SOX5: variants seen among roughly 807,000 people sequenced by gnomAD.
SOX5 encodes transcription factor SOX-5.
In SOX5, 9 loss-of-function variants were observed where a neutral mutation model predicts 92.0. That is an observed-to-expected ratio of 0.10 (90% CI 0.06 to 0.17). The LOEUF (loss-of-function observed/expected upper bound fraction) is 0.17, where lower values mean the gene tolerates loss of function less well. Ranked by LOEUF, SOX5 falls within the 10% of genes least tolerant of loss-of-function variation. The pLI, the probability that SOX5 is intolerant of heterozygous loss-of-function variation, is 1.00. For synonymous variants in SOX5, 344 were observed against 336.3 expected (o/e 1.02, Z -0.25); for missense variants, 642 against 944.5 (o/e 0.68, Z 4.20).
chr12:23,951,735 A>G (rs1454769053), upstream of SOX5, among the ~76,000 whole-genome samples: 2 of 152,180 alleles, frequency 1.3e-5, no homozygotes, highest in African/African-American at 4.8e-5. Context: ...AAAACATAGA[A>G]CTATGACCCA....
chr12:23,846,247 A>T lies in SOX5; in HGVS notation c.271-54T>A, dbSNP rs2096573828. 4 of 1,320,286 alleles carry T rather than the reference A, an allele frequency of 3.0e-6. No individual in the cohort carries two copies. In the African/African-American group the frequency reaches 5.8e-5, roughly 19 times the overall value. The allele number at this position is 1,320,286 out of a possible 1,614,324, so 81.8% of individuals were successfully genotyped here. A position where few individuals can be genotyped will look rare whatever the true frequency, so the allele number is the denominator to read the frequency against. On this transcript the variant is annotated intron_variant, in intron 2 of 14. Transcript: ENST00000451604. ...TTGTTTACCTGAAAGAGAGAGCAAA[A>T]GGACAAATAATTGTTTACCTGAAAG...
chr12:23,887,209 T>G (rs1568640732), intron 2 of SOX5, among the ~76,000 whole-genome samples: 1 of 152,014 alleles, frequency 6.6e-6, no homozygotes, highest in African/African-American at 2.4e-5. Flanking sequence ...AGGCAACATA[T>G]AAGAGGAAGG....
intron 9 of SOX5, among the ~76,000 whole-genome samples, chr12:23,585,312 T>C (rs771359288): frequency 1.3e-5 from 2 of 152,158 alleles, no homozygotes; most frequent in African/African-American, 2.4e-5. Flanking sequence ...AGTTGAAAGT[T>C]TGATGTCCCT....
intron 1 of SOX5, among the ~76,000 whole-genome samples, chr12:23,917,240 G>A (rs2097426148): frequency 6.6e-6 from 1 of 152,034 alleles, no homozygotes; most frequent in South Asian, 2.1e-4. Context: ...TTTAGGCTCA[G>A]TATTAAAAAG....
chr12:24,278,161 T>C (rs780412104), intron 2 of SOX5, among the ~76,000 whole-genome samples: 26 of 152,184 alleles, frequency 1.7e-4, no homozygotes, highest in Admixed American at 8.5e-4. Flanking sequence ...TGGGTGTTTA[T>C]TTTTATATCA....
chr12:23,552,239 G>A (rs949125301), intron 11 of SOX5, among the ~76,000 whole-genome samples: 5 of 151,856 alleles, frequency 3.3e-5, no homozygotes, highest in Non-Finnish European at 7.4e-5. Context: ...CAGAAAAGAT[G>A]GGGCTACCTA....
At chr12:23,957,171 A>C (rs575849627) in intron 4 of SOX5, among the ~76,000 whole-genome samples, 1 of 152,296 alleles carries the variant, frequency 6.6e-6, no homozygotes, top group South Asian at 2.1e-4. Flanking sequence ...CTATGGCATA[A>C]TTCTACATTC....
chr12:24,065,969 G>A (rs961016876), intron 4 of SOX5, among the ~76,000 whole-genome samples: 1 of 151,928 alleles, frequency 6.6e-6, no homozygotes, highest in Non-Finnish European at 1.5e-5. Flanking sequence ...TCTTCAGAAG[G>A]GTCCATGCTT....
At chr12:23,682,592 T>C (rs938835736) in intron 6 of SOX5, among the ~76,000 whole-genome samples, 10 of 151,766 alleles carry the variant, frequency 6.6e-5, no homozygotes, top group African/African-American at 1.9e-4. Flanking sequence ...GATTGCACTA[T>C]TGGGAAAAAC....
chr12:23,801,777 A>C (rs1168816940), intron 3 of SOX5, among the ~76,000 whole-genome samples: 2 of 152,074 alleles, frequency 1.3e-5, no homozygotes, highest in African/African-American at 4.8e-5. Context: ...TTCAGATGTA[A>C]ATTTTATTCA....
Position 23,563,866 on chromosome 12 carries a change from T to G in SOX5, c.1343-463A>C, listed in dbSNP as rs183972634. On this transcript the variant is annotated intron_variant, in intron 10 of 14. Transcript: ENST00000451604. Reference sequence around the variant, plus strand: ...TAGAAAGGCCACATAAGAGGGTCTGTATAGCACTATTAAGTTTGTTATATA... The same window carrying G: ...TAGAAAGGCCACATAAGAGGGTCTGGATAGCACTATTAAGTTTGTTATATA... Among the ~76,000 whole-genome samples, 747 of 152,314 alleles carry G rather than the reference T, an allele frequency of 4.9e-3. 2 individuals carry two copies. Among genetic ancestry groups the G allele is most frequent in the Non-Finnish European group, 8.4e-3 (570 of 68,022 alleles).
intron 1 of SOX5, among the ~76,000 whole-genome samples, chr12:24,440,225 T>C (rs1031077110): frequency 3.9e-5 from 6 of 152,192 alleles, no homozygotes; most frequent in Non-Finnish European, 8.8e-5. Context: ...CACCAGTTCT[T>C]GGACACTGGC....
intron 8 of SOX5, among the ~76,000 whole-genome samples, chr12:23,629,243 A>G (rs1289686264): frequency 6.6e-6 from 1 of 152,092 alleles, no homozygotes; most frequent in Non-Finnish European, 1.5e-5. Context: ...CCATTGTTTT[A>G]TTCATTCTTT....
chr12:24,426,296 A>G (rs942768695), intron 1 of SOX5, among the ~76,000 whole-genome samples: 2 of 120,286 alleles, frequency 1.7e-5, no homozygotes, highest in Non-Finnish European at 3.3e-5. Flanking sequence ...AACATCACAC[A>G]TTGGGGCCTG....
intron 1 of SOX5, among the ~76,000 whole-genome samples, chr12:24,442,772 G>A (rs1309865177): frequency 2.0e-5 from 3 of 152,112 alleles, no homozygotes; most frequent in Non-Finnish European, 4.4e-5. Flanking sequence ...AGTTCATAAT[G>A]AGTTAAAGAA....
chr12:24,347,028 A>T (rs1359927334), intron 2 of SOX5, among the ~76,000 whole-genome samples: 1 of 151,108 alleles, frequency 6.6e-6, no homozygotes, highest in African/African-American at 2.4e-5. Flanking sequence ...AAAGTATAAT[A>T]AAAAAAAATT....
At chr12:24,502,122 T>C (rs1948267613) in intron 1 of SOX5, among the ~76,000 whole-genome samples, 1 of 152,244 alleles carries the variant, frequency 6.6e-6, no homozygotes. Context: ...TTCTTTATTG[T>C]CATATCACCT....
chr12:23,602,733 G>A (rs1357648534), intron 9 of SOX5, among the ~76,000 whole-genome samples: 1 of 151,996 alleles, frequency 6.6e-6, no homozygotes, highest in Non-Finnish European at 1.5e-5. Context: ...TGCTGCTACA[G>A]CTATTTATTT....
intron 1 of SOX5, among the ~76,000 whole-genome samples, chr12:23,938,337 T>G (rs1223082210): frequency 6.6e-6 from 1 of 151,074 alleles, no homozygotes; most frequent in East Asian, 1.9e-4. Flanking sequence ...AAAGAATATG[T>G]AGCTAATGCA....
Sources: allele counts gnomAD v4.1 joint callset (sites outside exome capture counted in the v4.1 genomes callset), GRCh38; gene constraint gnomAD v4.1.1; transcripts MANE v1.5; gene names NCBI Gene and HGNC (gene_info 2026-07-23, HGNC 2026-07-21).